The following GBP4 variants were observed in gnomAD, a reference collection of about 807,000 sequenced individuals.
The protein encoded by GBP4 is guanylate binding protein 4.
Under a neutral mutation model 62.2 loss-of-function variants are expected in GBP4, and 69 were observed. The observed-to-expected ratio is 1.11, with a 90% CI of 0.91 to 1.36. GBP4 has a LOEUF of 1.36. GBP4 is among the 40% of genes most tolerant of loss of function. GBP4 has a pLI of 0.00. For synonymous variants in GBP4, 278 were observed against 274.6 expected (o/e 1.01, Z -0.12); for missense variants, 697 against 759.3 (o/e 0.92, Z 0.96).
At position 89,193,367 on chromosome 1, in the gene GBP4, G is replaced by C. The variant is rs1394971731; in HGVS notation, c.409C>G (p.Leu137Val). The stretch of plus-strand genomic sequence containing the variant: ...CTGTTATAGACAAAGCTGCTGCTTA[G>C]AAGCACAGCCAGGGCAAAGATCCAC... Reference protein sequence around the residue: ...DSWIFALAVLLSSSFVYNSVS... With the variant: ...DSWIFALAVLVSSSFVYNSVS... Residue 137 changes from leucine to valine, a missense_variant, in exon 4 of 11, where the codon CTA becomes GTA. Leu to Val is a conservative substitution (Grantham distance 32, BLOSUM62 1). Around this residue, in one of 2 missense-constraint regions of GBP4, gnomAD observed 556 missense variants for 562.7 expected, o/e 0.99. Transcript: ENST00000355754. The C allele has an allele frequency of 6.2e-7, 1 of 1,614,180 alleles. No individual in the cohort carries two copies.
intron 9 of GBP4, among the ~76,000 whole-genome samples, chr1:89,186,792 G>T (rs563883186): frequency 6.6e-6 from 1 of 152,340 alleles, no homozygotes; most frequent in Non-Finnish European, 1.5e-5. Flanking sequence ...CTCCTCTATA[G>T]TAAGAGAAAG....
intron 1 of GBP4, among the ~76,000 whole-genome samples, chr1:89,198,378 C>CT (rs1257059192): frequency 6.6e-6 from 1 of 151,966 alleles, no homozygotes; most frequent in African/African-American, 2.4e-5. Flanking sequence ...GCTCTTTCAG[C>CT]TAAGGGAGAG....
rs749426234 is a variant in GBP4, at chr1:89,188,798, C to T, written c.1198-4G>A. 6.2e-7 allele frequency: 1 copy of T among 1,613,868 alleles called. No individual in the cohort carries two copies. The highest frequency in any genetic ancestry group is 8.5e-7 in the Non-Finnish European group (1 of 1,179,876). The stretch of plus-strand genomic sequence containing the variant: ...CCTTCTTTTTCTCTATGGTGTCCTG[C>T]CAGAAAAATGTAGAGAAAACAGTAG... On this transcript the variant is annotated splice_region_variant and splice_polypyrimidine_tract_variant and intron_variant, in intron 7 of 10. Transcript: ENST00000355754.
At position 89,190,256 on chromosome 1, in the gene GBP4, C is replaced by G. The variant is rs759418502; in HGVS notation, c.979G>C (p.Glu327Gln). 2.6e-5 allele frequency: 42 copies of G among 1,614,036 alleles called. No homozygotes were observed. Among genetic ancestry groups the G allele is most frequent in the Non-Finnish European group, 3.6e-5 (42 of 1,180,016 alleles). ...AINSGAVPCL[E>Q]NAVTALAQLE... is the part of the protein sequence containing the mutation. ...TGGGCCAGTGCTGTCACTGCATTCT[C>G]CAGACAAGGTACTGCTCCACTGTTG... The change falls in exon 7 of 11, where the codon GAG becomes CAG. Residue 327 changes from glutamate to glutamine, a missense_variant. Transcript: ENST00000355754.
Position 89,185,138 on chromosome 1 carries a change from A to G in GBP4, c.*116T>C. On this transcript the variant is annotated 3_prime_UTR_variant, in exon 11 of 11. Coordinates refer to ENST00000355754, the MANE Select transcript of GBP4 (RefSeq NM_052941.5). ...TTTGATAATCACTTTTTAATTTTAA[A>G]CTTTTCTTGAATGAAACTGCTATAA... The G allele has an allele frequency of 1.7e-6, 1 of 588,014 alleles. No individual in the cohort carries two copies. Among genetic ancestry groups the G allele is most frequent in the Admixed American group, 3.5e-5 (1 of 28,500 alleles). The allele number at this position is 588,014 out of a possible 1,614,324, so 36.4% of individuals were successfully genotyped here. A position where few individuals can be genotyped will look rare whatever the true frequency, so the allele number is the denominator to read the frequency against.
chr1:89,193,113 C>T lies in GBP4; in HGVS notation c.474-13G>A. The T allele has an allele frequency of 6.2e-7, 1 of 1,612,972 alleles. No individual in the cohort carries two copies. Among genetic ancestry groups the T allele is most frequent in the East Asian group, 2.2e-5 (1 of 44,882 alleles). ...CTCAGTCACATAGCTGGGATCTCAG[C>T]TAAGGAAGGATAGCACCCTACACCA... On this transcript the variant is annotated splice_polypyrimidine_tract_variant and intron_variant, in intron 4 of 10. Coordinates refer to ENST00000355754, the MANE Select transcript of GBP4 (RefSeq NM_052941.5).
Position 89,193,000 on chromosome 1 carries a change from T to A in GBP4, c.574A>T (p.Ile192Phe), listed in dbSNP as rs535788014. The A allele has an allele frequency of 2.5e-6, 4 of 1,614,120 alleles. No homozygotes were observed. The highest frequency in any genetic ancestry group is 2.2e-5 in the East Asian group (1 of 44,882). Reference sequence around the variant, plus strand: ...AGGGTAAAATCCCGAACAGTCCAAATAAAGTCTGGAAAGAAACTCGCAAAC... The same window carrying A: ...AGGGTAAAATCCCGAACAGTCCAAAAAAAGTCTGGAAAGAAACTCGCAAAC... ...SEFASFFPDF[I>F]WTVRDFTLEL... Residue 192 changes from isoleucine (I) to phenylalanine (F), a missense_variant, in exon 5 of 11, where the codon ATT becomes TTT. Physicochemically the swap from Ile to Phe is conservative, Grantham distance 21. Around this residue, in one of 2 missense-constraint regions of GBP4, gnomAD observed 556 missense variants for 562.7 expected, o/e 0.99. Transcript: ENST00000355754.
Position 89,190,039 on chromosome 1 carries a change from A to G in GBP4, c.1196T>C (p.Val399Ala). The part of the protein sequence containing the change: ...DENHEFQKKL[V>A]DTIEKKKGDF... Reference sequence around the variant, plus strand: ...AGGAAGGATAAATGCTAAAAGTACCACAAGCTTCTTCTGGAATTCATGGTT... The same window carrying G: ...AGGAAGGATAAATGCTAAAAGTACCGCAAGCTTCTTCTGGAATTCATGGTT... The change falls in exon 7 of 11, where the codon GTG becomes GCG. Residue 399 changes from valine to alanine, a missense_variant and splice_region_variant. Coordinates refer to ENST00000355754, the MANE Select transcript of GBP4 (RefSeq NM_052941.5). The G allele has an allele frequency of 6.2e-7, 1 of 1,605,568 alleles. No homozygotes were observed. Among genetic ancestry groups the G allele is most frequent in the Non-Finnish European group, 8.5e-7 (1 of 1,174,006 alleles).
chr1:89,183,885 AC>A lies in GBP4; in HGVS notation c.*1368del, dbSNP rs1647958076. The A allele has an allele frequency of 6.6e-6, 1 of 152,242 alleles. No homozygotes were observed. The highest frequency in any genetic ancestry group is 1.5e-5 in the Non-Finnish European group (1 of 68,048). 9.4% of individuals were successfully genotyped at this position (152,242 alleles called of 1,614,324 possible). On this transcript the variant is annotated 3_prime_UTR_variant, in exon 11 of 11. Coordinates refer to ENST00000355754, the MANE Select transcript of GBP4 (RefSeq NM_052941.5). Reference sequence around the variant, plus strand: ...TCAAAGTGAGACCCTGTTTCAAAAAACAAAAACAAAACAAAATGAAACAATT... The same window carrying A: ...TCAAAGTGAGACCCTGTTTCAAAAAAAAAAACAAAACAAAATGAAACAATT...
At chr1:89,198,719 G>T in intron 1 of GBP4, 76 bp downstream of exon 1, 2 of 1,292,234 alleles carry the variant, frequency 1.5e-6, no homozygotes, top group Non-Finnish European at 2.3e-6. Context: ...CCCGTGTGCA[G>T]TCTGCGCTTG....
At chr1:89,187,128 C>T (rs202178008) in intron 8 of GBP4, 26 bp from the exon 9 acceptor site, 201 of 1,592,702 alleles carry the variant, frequency 1.3e-4, no homozygotes, top group African/African-American at 2.4e-4. Context: ...AGAGCAAAGA[C>T]CTGTCAGGCA....
Position 89,190,197 on chromosome 1 carries a change from G to A in GBP4, c.1038C>T (p.Ala346=), listed in dbSNP as rs558982077. 78 of 1,614,098 alleles carry A rather than the reference G, an allele frequency of 4.8e-5. No homozygotes were observed. In the East Asian group the frequency reaches 7.8e-4, roughly 16 times the overall value. Residue 346 remains alanine (A), a synonymous_variant, in exon 7 of 11, where the codon GCC becomes GCT. Transcript: ENST00000355754. ...LENPAAVQRA[A]DHYSQQMAQQ... is the part of the protein sequence containing the mutation. ...GGGCCATCTGCTGGCTATAGTGGTC[G>A]GCTGCCCTCTGCACAGCCGCTGGGT...
chr1:89,196,951 G>C (rs1648358603), intron 2 of GBP4, among the ~76,000 whole-genome samples, 159 bp downstream of exon 2: 1 of 152,214 alleles, frequency 6.6e-6, no homozygotes, highest in South Asian at 2.1e-4. Context: ...GGACTAAAGA[G>C]TGATATATAT....
intron 2 of GBP4, among the ~76,000 whole-genome samples, chr1:89,196,836 G>A (rs2100680277): frequency 6.6e-6 from 1 of 152,336 alleles, no homozygotes; most frequent in South Asian, 2.1e-4. Flanking sequence ...GAGAAAGAAA[G>A]GGAATAATTG....
chr1:89,191,422 T>A lies in GBP4; in HGVS notation c.755A>T (p.Asp252Val), dbSNP rs1648180027. The A allele has an allele frequency of 1.6e-5, 26 of 1,614,192 alleles. No homozygotes were observed. The highest frequency in any genetic ancestry group is 2.1e-5 in the Non-Finnish European group (25 of 1,180,012). The change falls in exon 6 of 11, where the codon GAC becomes GTC. Residue 252 changes from aspartate (D) to valine (V), a missense_variant. By Grantham distance (152) the Asp-to-Val change is radical. This residue lies in a region of GBP4 where 556 missense variants were observed against 562.7 expected (regional missense o/e 0.99). Transcript: ENST00000355754. ...ATATTGCTTGTCATTTGTAGGCCGG[T>A]CAAAGACAAAGCACTTCCGTTTTCG... is the stretch of plus-strand genomic sequence containing the variant. The part of the protein sequence containing the change: ...FFRKRKCFVF[D>V]RPTNDKQYLN...
chr1:89,195,421 A>T lies in GBP4; in HGVS notation c.239T>A (p.Phe80Tyr). Reference sequence around the variant, plus strand: ...AGACTGCACCGTGGAGCCCAGAGGGAAGCCTGCAGGGAAGAGGAAAAATAA... The same window carrying T: ...AGACTGCACCGTGGAGCCCAGAGGGTAGCCTGCAGGGAAGAGGAAAAATAA... The part of the protein sequence containing the change: ...MNRLAGKRNG[F>Y]PLGSTVQSET... The change falls in exon 3 of 11, where the codon TTC becomes TAC. Residue 80 changes from phenylalanine to tyrosine, a missense_variant. Physicochemically the swap from Phe to Tyr is conservative, Grantham distance 22. Transcript: ENST00000355754. The T allele has an allele frequency of 2.5e-6, 4 of 1,613,740 alleles. No homozygotes were observed. The highest frequency in any genetic ancestry group is 1.3e-5 in the African/African-American group (1 of 75,048).
intron 5 of GBP4, among the ~76,000 whole-genome samples, chr1:89,192,654 T>C (rs1308578248): frequency 6.6e-6 from 1 of 152,220 alleles, no homozygotes; most frequent in East Asian, 1.9e-4. Flanking sequence ...ATGATACTTA[T>C]TGGTCTAAAA....
At chr1:89,197,554 ATTAT>A (rs1648379747) in intron 1 of GBP4, among the ~76,000 whole-genome samples, 1 of 152,194 alleles carries the variant, frequency 6.6e-6, no homozygotes, top group Non-Finnish European at 1.5e-5. Flanking sequence ...TGTTATGTAC[ATTAT>A]TTATGATTCT....
chr1:89,196,789 T>C (rs546309189), intron 2 of GBP4, among the ~76,000 whole-genome samples: 10 of 149,378 alleles, frequency 6.7e-5, no homozygotes, highest in Admixed American at 1.3e-4. Context: ...TGTGTGCTAT[T>C]TGAAGTGACC....
Sources: gnomAD v4.1 joint callset for allele counts (sites outside exome capture counted in the v4.1 genomes callset) on GRCh38, gnomAD v4.1.1 for gene constraint, gnomAD v4.1.1 regional missense constraint, MANE v1.5 for transcripts, NCBI Gene and HGNC (gene_info 2026-07-23, HGNC 2026-07-21) for gene names.